ERGIC1: variants seen among roughly 807,000 people sequenced by gnomAD.
ERGIC1 encodes the protein endoplasmic reticulum-golgi intermediate compartment 1.
In ERGIC1, 19 loss-of-function variants were observed where a neutral mutation model predicts 38.3. The observed-to-expected ratio is 0.50, with a 90% CI of 0.35 to 0.73. The LOEUF is 0.73. Ranked by LOEUF, ERGIC1 falls within the 30% of genes least tolerant of loss-of-function variation. ERGIC1 has a pLI of 0.01. For synonymous variants in ERGIC1, 124 were observed against 157.6 expected (o/e 0.79, Z 1.60); for missense variants, 294 against 389.2 (o/e 0.76, Z 2.06).
chr5:172,866,600 C>T (rs1221533194), intron 1 of ERGIC1, among the ~76,000 whole-genome samples: 1 of 152,206 alleles, frequency 6.6e-6, no homozygotes, highest in Non-Finnish European at 1.5e-5. Flanking sequence ...CATGTGAACC[C>T]CCTCTGAGCA....
At chr5:172,903,840 G>A (rs541679925) in intron 3 of ERGIC1, among the ~76,000 whole-genome samples, 64 of 152,052 alleles carry the variant, frequency 4.2e-4, no homozygotes, top group African/African-American at 1.5e-3. Context: ...AACCCTGGTA[G>A]CCTAGGCTTT....
rs566332865 is a variant in ERGIC1, at chr5:172,843,506, A to T, written c.20+9073A>T. Among the ~76,000 whole-genome samples the T allele has an allele frequency of 2.0e-5, 3 of 152,346 alleles. No homozygotes were observed. In the South Asian group the frequency reaches 6.2e-4, roughly 32 times the overall value. ...TCACACCAACATATAGAATTACCTA[A>T]AGTATCCTTTAAGAACTTTGGGAAA... On this transcript the variant is annotated intron_variant, in intron 1 of 9. Coordinates refer to ENST00000393784, the MANE Select transcript of ERGIC1 (RefSeq NM_001031711.3).
At chr5:172,858,870 G>T (rs536788715) in intron 1 of ERGIC1, among the ~76,000 whole-genome samples, 1 of 152,336 alleles carries the variant, frequency 6.6e-6, no homozygotes, top group South Asian at 2.1e-4. Flanking sequence ...TCCCTGCCCT[G>T]TGGGTAACAC....
intron 1 of ERGIC1, among the ~76,000 whole-genome samples, chr5:172,879,301 G>A (rs577443974): frequency 4.6e-5 from 7 of 152,328 alleles, no homozygotes; most frequent in African/African-American, 1.7e-4. Context: ...TTCGGGGTTG[G>A]GCTCTGCAGC....
chr5:172,855,758 C>T (rs985817406), intron 1 of ERGIC1, among the ~76,000 whole-genome samples: 2 of 152,178 alleles, frequency 1.3e-5, no homozygotes, highest in African/African-American at 2.4e-5. Flanking sequence ...CCTTCGGGCA[C>T]GGTGAGGAGT....
chr5:172,847,985 C>T (rs554854729), intron 1 of ERGIC1, among the ~76,000 whole-genome samples: 1 of 152,260 alleles, frequency 6.6e-6, no homozygotes, highest in Non-Finnish European at 1.5e-5. Flanking sequence ...CATCTGGTGC[C>T]TGGTGAAGTT....
chr5:172,923,895 C>G, intron 5 of ERGIC1, 110 bp from the exon 6 acceptor site: 5 of 952,766 alleles, frequency 5.2e-6, no homozygotes, highest in Non-Finnish European at 6.6e-6. Flanking sequence ...GGATCCAAAC[C>G]CAGATCTGCC....
chr5:172,944,069 A>G (rs1431381738), intron 9 of ERGIC1, among the ~76,000 whole-genome samples: 1 of 152,174 alleles, frequency 6.6e-6, no homozygotes, highest in East Asian at 1.9e-4. Flanking sequence ...CGTCTGATGA[A>G]TGCCACTTCC....
intron 1 of ERGIC1, among the ~76,000 whole-genome samples, chr5:172,838,372 T>C (rs939612302): frequency 6.6e-6 from 1 of 152,194 alleles, no homozygotes; most frequent in South Asian, 2.1e-4. Context: ...CCTGTGTGCC[T>C]GCACAGGTCA....
intron 1 of ERGIC1, among the ~76,000 whole-genome samples, chr5:172,861,566 G>T (rs569170048): frequency 2.0e-5 from 3 of 152,312 alleles, no homozygotes; most frequent in South Asian, 2.1e-4. Context: ...TGTAAAATGG[G>T]AAGCATCACA....
chr5:172,839,313 TG>T (rs1170114099), intron 1 of ERGIC1, among the ~76,000 whole-genome samples: 2 of 151,660 alleles, frequency 1.3e-5, no homozygotes, highest in African/African-American at 2.4e-5. Context: ...CCCAGTACTT[TG>T]GGAGGCCAAA....
chr5:172,873,651 C>T (rs1755396333), intron 1 of ERGIC1, among the ~76,000 whole-genome samples: 1 of 152,226 alleles, frequency 6.6e-6, no homozygotes, highest in Admixed American at 6.5e-5. Flanking sequence ...TGTTCAGTCT[C>T]CAGGATGAGG....
intron 3 of ERGIC1, among the ~76,000 whole-genome samples, chr5:172,907,928 A>G (rs762823370): frequency 7.9e-5 from 12 of 152,108 alleles, no homozygotes; most frequent in Non-Finnish European, 1.2e-4. Context: ...CCTGACAGGT[A>G]GTAGGTACTC....
intron 1 of ERGIC1, among the ~76,000 whole-genome samples, chr5:172,835,324 A>G (rs1023103466): frequency 7.9e-5 from 12 of 152,274 alleles, no homozygotes; most frequent in African/African-American, 2.6e-4. Context: ...GGTATATTCT[A>G]GAAGTTAGGG....
At chr5:172,845,039 TATATA>T (rs386695018) in intron 1 of ERGIC1, among the ~76,000 whole-genome samples, 87,434 of 151,420 alleles carry the variant, frequency 0.58, 28,278 homozygotes, top group Non-Finnish European at 0.73. Flanking sequence ...GACGCAGGGG[TATATA>T]GGGGGGACAG....
chr5:172,918,532 A>G (rs481221), intron 5 of ERGIC1, among the ~76,000 whole-genome samples: 95,111 of 152,138 alleles, frequency 0.63, 30,849 homozygotes, highest in African/African-American at 0.8. Flanking sequence ...GCTGGGCGGA[A>G]CCTGCAGCCT....
In ERGIC1 at chr5:172,909,683, G is replaced by A; in HGVS notation, c.172G>A (p.Val58Ile). ...TTCCCCTAGTGTGAACGAGCTCTAT[G>A]TCGATGACCCAGACAAGGACAGCGG... ...ITTEVVNELY[V>I]DDPDKDSGGK... Residue 58 changes from valine to isoleucine, a missense_variant, in exon 4 of 10, where the codon GTC becomes ATC. Physicochemically the swap from Val to Ile is conservative, Grantham distance 29. Around this residue, in one of 3 missense-constraint regions of ERGIC1, gnomAD observed 163 missense variants for 225.8 expected, o/e 0.72. Coordinates refer to ENST00000393784, the MANE Select transcript of ERGIC1 (RefSeq NM_001031711.3). 6.2e-7 allele frequency: 1 copy of A among 1,614,204 alleles called. No individual in the cohort carries two copies. The highest frequency in any genetic ancestry group is 1.6e-4 in the Middle Eastern group (1 of 6,062).
chr5:172,930,355 ATT>A (rs113244306), intron 7 of ERGIC1, among the ~76,000 whole-genome samples: 3,944 of 146,212 alleles, frequency 0.027, 56 homozygotes, highest in Middle Eastern at 0.046. Context: ...GTTTTGTACA[ATT>A]TTTTTTTTTT....
At chr5:172,909,050 G>A (rs1174566762) in intron 3 of ERGIC1, among the ~76,000 whole-genome samples, 1 of 152,162 alleles carries the variant, frequency 6.6e-6, no homozygotes, top group Non-Finnish European at 1.5e-5. Context: ...TGTTCACAGA[G>A]GTGAGCATAG....
Sources: gnomAD v4.1 joint callset for allele counts (sites outside exome capture counted in the v4.1 genomes callset) on GRCh38, gnomAD v4.1.1 for gene constraint, gnomAD v4.1.1 regional missense constraint, MANE v1.5 for transcripts, NCBI Gene and HGNC (gene_info 2026-07-23, HGNC 2026-07-21) for gene names.